The following SUB1 variants were observed in gnomAD, a reference collection of about 807,000 sequenced individuals.
The protein encoded by SUB1 is SUB1 regulator of transcription.
A neutral mutation model predicts 16.9 loss-of-function variants in SUB1; 1 was observed. The ratio of observed to expected loss-of-function variants is 0.06; its 90% CI spans 0.02 to 0.28. SUB1 has a LOEUF of 0.28. Ranked by LOEUF, SUB1 falls within the 10% of genes least tolerant of loss-of-function variation. The pLI, the probability that SUB1 is intolerant of heterozygous loss-of-function variation, is 1.00. For synonymous variants in SUB1, 51 were observed against 46.9 expected (o/e 1.09, Z -0.36); for missense variants, 84 against 145.2 (o/e 0.58, Z 2.16).
At chr5:32,592,117 C>T (rs1314244912) in intron 3 of SUB1, among the ~76,000 whole-genome samples, 1 of 152,154 alleles carries the variant, frequency 6.6e-6, no homozygotes, top group Non-Finnish European at 1.5e-5. Context: ...TAACTAGGGA[C>T]ATTTATTAAA....
intron 3 of SUB1, 113 bp downstream of exon 3, chr5:32,591,798 T>C (rs545026041): frequency 7.9e-7 from 1 of 1,259,066 alleles, no homozygotes; most frequent in African/African-American, 1.6e-5. Context: ...CCTCCTGAGT[T>C]CAAGCAGTTC....
At chr5:32,599,545 A>G (rs1169969868) in intron 4 of SUB1, among the ~76,000 whole-genome samples, 1 of 152,210 alleles carries the variant, frequency 6.6e-6, no homozygotes, top group East Asian at 1.9e-4. Context: ...TATTTTGTAT[A>G]ATTCACCAAA....
intron 1 of SUB1, 100 bp from the exon 2 acceptor site, chr5:32,588,412 G>T: frequency 9.6e-7 from 1 of 1,040,200 alleles, no homozygotes; most frequent in South Asian, 1.6e-5. Context: ...AGAATGAACC[G>T]TGGAACTTGT....
At chr5:32,593,704 T>C (rs1738887778) in intron 3 of SUB1, among the ~76,000 whole-genome samples, 1 of 152,130 alleles carries the variant, frequency 6.6e-6, no homozygotes, top group African/African-American at 2.4e-5. Context: ...TTTCTTTTTT[T>C]TTTTTTTGAG....
intron 4 of SUB1, among the ~76,000 whole-genome samples, chr5:32,600,067 TACA>T (rs774366024): frequency 2.0e-5 from 3 of 152,254 alleles, no homozygotes; most frequent in Non-Finnish European, 4.4e-5. Flanking sequence ...CTTAATCATT[TACA>T]ACAACTCTTT....
chr5:32,596,253 C>T (rs1315131407), intron 3 of SUB1: 2 of 152,212 alleles, frequency 1.3e-5, no homozygotes, highest in African/African-American at 4.8e-5. Context: ...TCATTTTCTT[C>T]ACGTCCACGG....
intron 3 of SUB1, among the ~76,000 whole-genome samples, chr5:32,593,286 T>TGAGCCACCGC (rs1171061618): frequency 2.6e-5 from 4 of 152,164 alleles, no homozygotes; most frequent in Admixed American, 1.3e-4. Context: ...ATTACAGGCG[T>TGAGCCACCGC]GAGCCACCGT....
At chr5:32,586,194 A>C (rs995990710) in intron 1 of SUB1, 5 of 152,104 alleles carry the variant, frequency 3.3e-5, no homozygotes, top group Admixed American at 1.3e-4. Context: ...CCCTCCGACC[A>C]ACCTGTCTCC....
At chr5:32,593,784 C>T (rs2111669270) in intron 3 of SUB1, among the ~76,000 whole-genome samples, 1 of 152,232 alleles carries the variant, frequency 6.6e-6, no homozygotes, top group East Asian at 1.9e-4. Flanking sequence ...ACCTCCGCCT[C>T]CTGGGTTCAA....
intron 3 of SUB1, chr5:32,598,451 G>A (rs1427613767): frequency 6.6e-6 from 1 of 152,412 alleles, no homozygotes; most frequent in African/African-American, 2.4e-5. Context: ...TTTTACACAA[G>A]GTGTTTTAAG....
chr5:32,589,620 A>T (rs1011412745), intron 2 of SUB1, among the ~76,000 whole-genome samples: 1 of 152,218 alleles, frequency 6.6e-6, no homozygotes, highest in Non-Finnish European at 1.5e-5. Flanking sequence ...TAAATTGAGC[A>T]TCTCAGTGGA....
At chr5:32,600,606 A>ATTT (rs11299034) in intron 4 of SUB1, among the ~76,000 whole-genome samples, 1 of 143,894 alleles carries the variant, frequency 6.9e-6, no homozygotes, top group Non-Finnish European at 1.5e-5. Flanking sequence ...CCAAGTGGCA[A>ATTT]TTTTTTTTTT....
chr5:32,595,551 TC>T (rs1738941005), intron 3 of SUB1: 2 of 152,278 alleles, frequency 1.3e-5, no homozygotes, highest in Non-Finnish European at 2.9e-5. Context: ...AACTTGTAAA[TC>T]CATTCACCTT....
chr5:32,586,119 G>T (rs1393810093), intron 1 of SUB1: 1 of 152,248 alleles, frequency 6.6e-6, no homozygotes, highest in Non-Finnish European at 1.5e-5. Context: ...AGAAGAAAAT[G>T]GCGCTTGGTG....
At chr5:32,589,021 G>T (rs909007906) in intron 2 of SUB1, among the ~76,000 whole-genome samples, 2 of 152,070 alleles carry the variant, frequency 1.3e-5, no homozygotes, top group African/African-American at 4.8e-5. Context: ...TAGGGTCATA[G>T]AATTCTAAGT....
intron 2 of SUB1, 163 bp from the exon 3 acceptor site, chr5:32,591,400 A>T (rs1738821458): frequency 1.1e-6 from 1 of 948,120 alleles, no homozygotes; most frequent in African/African-American, 1.7e-5. Flanking sequence ...AGGATTGGTT[A>T]GATTCATAGT....
At chr5:32,596,758 C>T (rs768637509) in intron 3 of SUB1, 6 of 152,122 alleles carry the variant, frequency 3.9e-5, no homozygotes, top group Non-Finnish European at 5.9e-5. Context: ...CCACTGACCT[C>T]TTATGTCTGT....
At chr5:32,589,225 A>T (rs909115147) in intron 2 of SUB1, among the ~76,000 whole-genome samples, 7 of 151,982 alleles carry the variant, frequency 4.6e-5, no homozygotes, top group Admixed American at 1.3e-4. Context: ...AGTAGCTGGG[A>T]CTACAGGCAT....
chr5:32,597,445 T>A (rs565461729), intron 3 of SUB1: 1 of 152,354 alleles, frequency 6.6e-6, no homozygotes, highest in Non-Finnish European at 1.5e-5. Context: ...CCCATTTTGT[T>A]TATCAGTTCA....
Sources: allele counts gnomAD v4.1 joint callset (sites outside exome capture counted in the v4.1 genomes callset), GRCh38; gene constraint gnomAD v4.1.1; transcripts MANE v1.5; gene names NCBI Gene and HGNC (gene_info 2026-07-23, HGNC 2026-07-21).